Variants in CAMTA1 observed in about 807,000 individuals in gnomAD.
CAMTA1 encodes the protein calmodulin binding transcription activator 1.
In CAMTA1, 27 loss-of-function variants were observed where a neutral mutation model predicts 170.9. The ratio of observed to expected loss-of-function variants is 0.16; its 90% CI spans 0.12 to 0.22. CAMTA1 has a LOEUF of 0.22. CAMTA1 is among the 10% of genes least tolerant of loss of function. The pLI is 1.00. For missense variants in CAMTA1, 1,619 were observed against 2,217.2 expected, an observed-to-expected ratio of 0.73 and a Z score of 5.42; for synonymous variants, 833 against 891.5, an observed-to-expected ratio of 0.93 and a Z score of 1.17.
intron 5 of CAMTA1, among the ~76,000 whole-genome samples, chr1:7,342,331 T>C (rs890253504): frequency 6.6e-6 from 1 of 152,172 alleles, no homozygotes; most frequent in Non-Finnish European, 1.5e-5. Context: ...TCCACCCTTT[T>C]AGCACTGACT....
chr1:6,889,417 A>G (rs756742905), intron 3 of CAMTA1, among the ~76,000 whole-genome samples: 1 of 152,228 alleles, frequency 6.6e-6, no homozygotes, highest in Non-Finnish European at 1.5e-5. Flanking sequence ...TCTTGATTGC[A>G]TTCAAGAAAT....
intron 5 of CAMTA1, among the ~76,000 whole-genome samples, chr1:7,276,884 G>A (rs950379014): frequency 3.3e-5 from 5 of 152,140 alleles, no homozygotes; most frequent in African/African-American, 9.7e-5. Flanking sequence ...AAGGAACAAG[G>A]CCAATATTTT....
Position 7,766,780 on chromosome 1 carries a change from G to T in CAMTA1, c.*289G>T. On this transcript the variant is annotated 3_prime_UTR_variant, in exon 23 of 23. Coordinates refer to ENST00000303635, the MANE Select transcript of CAMTA1 (RefSeq NM_015215.4). Reference sequence around the variant, plus strand: ...CACGGGAAATCAAGACACCCAGGAGGAATTGAAAGAGGCTTCCTCTTCTCA... The same window carrying T: ...CACGGGAAATCAAGACACCCAGGAGTAATTGAAAGAGGCTTCCTCTTCTCA... 2.4e-6 allele frequency: 1 copy of T among 419,942 alleles called. No individual in the cohort carries two copies. Among genetic ancestry groups the T allele is most frequent in the Non-Finnish European group, 4.3e-6 (1 of 231,754 alleles). The allele number at this position is 419,942 out of a possible 1,614,324, so 26.0% of individuals were successfully genotyped here. A position where few individuals can be genotyped will look rare whatever the true frequency, so the allele number is the denominator to read the frequency against.
chr1:6,898,516 A>G (rs545443587), intron 3 of CAMTA1, among the ~76,000 whole-genome samples: 1 of 152,160 alleles, frequency 6.6e-6, no homozygotes, highest in Non-Finnish European at 1.5e-5. Flanking sequence ...TCGCACCACT[A>G]TACTCCAGCC....
chr1:7,136,173 C>T (rs941652905), intron 4 of CAMTA1, among the ~76,000 whole-genome samples: 5 of 152,212 alleles, frequency 3.3e-5, no homozygotes, highest in African/African-American at 4.8e-5. Flanking sequence ...TTTCAGACAG[C>T]TCCTCTTCCT....
intron 5 of CAMTA1, among the ~76,000 whole-genome samples, chr1:7,327,345 T>G (rs2082745826): frequency 6.9e-6 from 1 of 145,004 alleles, no homozygotes. Flanking sequence ...AGACGGAGCT[T>G]GCAGTGAGCC....
chr1:7,285,147 T>C (rs1426951875), intron 5 of CAMTA1, among the ~76,000 whole-genome samples: 3 of 152,202 alleles, frequency 2.0e-5, no homozygotes, highest in Non-Finnish European at 4.4e-5. Flanking sequence ...CAAGGATAGA[T>C]TGTTTACAGG....
At chr1:6,853,134 A>AT (rs1305995615) in intron 3 of CAMTA1, 1 of 152,292 alleles carries the variant, frequency 6.6e-6, no homozygotes, top group African/African-American at 2.4e-5. Context: ...ATGATCCTGC[A>AT]TGGCAGCTTT....
chr1:7,023,956 G>A (rs1429691074), intron 3 of CAMTA1, among the ~76,000 whole-genome samples: 3 of 151,418 alleles, frequency 2.0e-5, no homozygotes, highest in South Asian at 2.1e-4. Flanking sequence ...TGAATCTGGC[G>A]GGGTGGAGCT....
At chr1:7,239,635 ATTTTTTTTTTTTT>A (rs34166595) in intron 4 of CAMTA1, among the ~76,000 whole-genome samples, 2 of 103,954 alleles carry the variant, frequency 1.9e-5, no homozygotes, top group South Asian at 3.5e-4. Flanking sequence ...TTCAAGGTCA[ATTTTTTTTTTTTT>A]TTTTTTTTTT....
intron 4 of CAMTA1, among the ~76,000 whole-genome samples, chr1:7,153,492 C>T (rs796155195): frequency 1.3e-4 from 20 of 152,218 alleles, no homozygotes; most frequent in African/African-American, 4.1e-4. Flanking sequence ...TGCCTCCCTG[C>T]GTACCTGCAC....
At chr1:7,623,632 G>A (rs1284651491) in intron 6 of CAMTA1, among the ~76,000 whole-genome samples, 1 of 152,250 alleles carries the variant, frequency 6.6e-6, no homozygotes, top group Non-Finnish European at 1.5e-5. Context: ...CCAAGTAGCT[G>A]GGACTACAGG....
chr1:7,575,327 C>A (rs899161726), intron 6 of CAMTA1, among the ~76,000 whole-genome samples: 2 of 152,126 alleles, frequency 1.3e-5, no homozygotes, highest in Non-Finnish European at 1.5e-5. Flanking sequence ...ATAGAGGCCT[C>A]CTTGTTTTTT....
chr1:7,667,239 T>A (rs1201326973), intron 9 of CAMTA1, among the ~76,000 whole-genome samples: 1 of 151,816 alleles, frequency 6.6e-6, no homozygotes, highest in Non-Finnish European at 1.5e-5. Flanking sequence ...ACCTTCGGAG[T>A]GCCCACCACA....
intron 5 of CAMTA1, among the ~76,000 whole-genome samples, chr1:7,266,287 GT>G (rs1668917646): frequency 6.6e-6 from 1 of 152,208 alleles, no homozygotes; most frequent in African/African-American, 2.4e-5. Context: ...TTGGACACCG[GT>G]GTGTTCAGAG....
intron 5 of CAMTA1, among the ~76,000 whole-genome samples, chr1:7,313,724 G>T (rs1677085080): frequency 6.6e-6 from 1 of 152,072 alleles, no homozygotes; most frequent in South Asian, 2.1e-4. Context: ...TTATCAAATT[G>T]CCCTCAATAA....
At chr1:7,656,412 T>C (rs1416066086) in intron 7 of CAMTA1, among the ~76,000 whole-genome samples, 1 of 152,232 alleles carries the variant, frequency 6.6e-6, no homozygotes, top group East Asian at 1.9e-4. Context: ...CCTCTACTTA[T>C]AAGGACACCA....
chr1:7,623,522 C>T (rs890240308), intron 6 of CAMTA1, among the ~76,000 whole-genome samples: 3 of 152,220 alleles, frequency 2.0e-5, no homozygotes, highest in Admixed American at 1.3e-4. Flanking sequence ...AAAGAAGTCA[C>T]TAAGAAGGCA....
chr1:7,372,061 C>G (rs1420798063), intron 5 of CAMTA1, among the ~76,000 whole-genome samples: 1 of 152,230 alleles, frequency 6.6e-6, no homozygotes, highest in Non-Finnish European at 1.5e-5. Flanking sequence ...CACCCGGGCT[C>G]TGACCTCTCC....
Sources: gnomAD v4.1 joint callset for allele counts (sites outside exome capture counted in the v4.1 genomes callset) on GRCh38, gnomAD v4.1.1 for gene constraint, MANE v1.5 for transcripts, NCBI Gene and HGNC (gene_info 2026-07-23, HGNC 2026-07-21) for gene names.